The following NAP1L1 variants were observed in gnomAD, a reference collection of about 807,000 sequenced individuals.
The protein encoded by NAP1L1 is nucleosome assembly protein 1 like 1, also known as nucleosome assembly protein 1-like 1.
NAP1L1 carries 9 observed loss-of-function variants against 58.9 expected under a neutral mutation model. The observed-to-expected ratio is 0.15, with a 90% confidence interval of 0.09 to 0.27. The LOEUF is 0.27. Among genes scored for constraint, NAP1L1 ranks in the 10% least tolerant of loss-of-function variants. The pLI, the probability that NAP1L1 is intolerant of heterozygous loss-of-function variation, is 1.00. For missense variants in NAP1L1, 302 were observed against 458.8 expected (o/e 0.66, Z 3.12); for synonymous variants, 130 against 138.3 (o/e 0.94, Z 0.42).
rs2136934233 is a variant in NAP1L1, at chr12:76,042,038, CTTTAGG to C, written c.*6385_*6390del. ...AGATGAGATTTTCAAACCTAGCTCA[CTTTAGG>C]TTAAGGTCAATTTTTTTTTTGTTTT... On this transcript the variant is annotated 3_prime_UTR_variant, in exon 15 of 15. Transcript: ENST00000618691. The C allele has an allele frequency of 6.6e-6, 1 of 152,010 alleles. No individual in the cohort carries two copies. Among genetic ancestry groups the C allele is most frequent in the East Asian group, 1.9e-4 (1 of 5,176 alleles). The allele number at this position is 152,010 out of a possible 1,614,324, so 9.4% of individuals were successfully genotyped here. A position where few individuals can be genotyped will look rare whatever the true frequency, so the allele number is the denominator to read the frequency against.
chr12:76,057,618 C>T (rs1169731983), intron 6 of NAP1L1: 2 of 1,258,554 alleles, frequency 1.6e-6, no homozygotes, highest in Non-Finnish European at 1.1e-6. Flanking sequence ...ATGCTGATTA[C>T]CTACTTTGAG....
At chr12:76,074,012 G>A (rs1370236981) in intron 2 of NAP1L1, 191 bp downstream of exon 2, 1 of 501,498 alleles carries the variant, frequency 2.0e-6, no homozygotes, top group Non-Finnish European at 3.6e-6. Context: ...TCGAATATAT[G>A]ATCATAAATA....
At chr12:76,070,689 C>T (rs747956723) in intron 2 of NAP1L1, among the ~76,000 whole-genome samples, 6 of 152,120 alleles carry the variant, frequency 3.9e-5, no homozygotes, top group Admixed American at 3.3e-4. Context: ...TGAGTACAGT[C>T]ATCCCTCAGA....
intron 6 of NAP1L1, among the ~76,000 whole-genome samples, chr12:76,058,423 G>T (rs1949239251): frequency 7.0e-6 from 1 of 143,486 alleles, no homozygotes; most frequent in South Asian, 2.2e-4. Flanking sequence ...GTCTCACACT[G>T]TCGCCTGGGC....
rs1470803622 is a variant in NAP1L1, at chr12:76,041,718, G to A, written c.*6711C>T. ...GCAACATAGTGAGAATCATCTCAAA[G>A]ATAATAAAAATAAAACTTTGTTGAC... On this transcript the variant is annotated 3_prime_UTR_variant, in exon 15 of 15. Coordinates refer to ENST00000618691, the MANE Select transcript of NAP1L1 (RefSeq NM_004537.7). 2 of 152,124 alleles carry A rather than the reference G, an allele frequency of 1.3e-5. No individual in the cohort carries two copies. Among genetic ancestry groups the A allele is most frequent in the Non-Finnish European group, 2.9e-5 (2 of 68,012 alleles). 9.4% of individuals were successfully genotyped at this position (152,124 alleles called of 1,614,324 possible).
chr12:76,069,257 T>C (rs989634601), intron 2 of NAP1L1, among the ~76,000 whole-genome samples: 1 of 152,222 alleles, frequency 6.6e-6, no homozygotes, highest in African/African-American at 2.4e-5. Flanking sequence ...TTTTGGGGAA[T>C]GTGATGTCAA....
chr12:76,057,266 G>A, intron 6 of NAP1L1: 1 of 294,804 alleles, frequency 3.4e-6, no homozygotes, highest in South Asian at 3.4e-5. Flanking sequence ...CTCCAGCCTG[G>A]GCAACACAGC....
chr12:76,063,923 AT>A (rs1183584180), intron 4 of NAP1L1, among the ~76,000 whole-genome samples: 2 of 148,898 alleles, frequency 1.3e-5, no homozygotes, highest in African/African-American at 4.9e-5. Context: ...GTGATGGCTT[AT>A]GCCTGTATTC....
chr12:76,082,483 G>C (rs1782801089), intron 1 of NAP1L1, among the ~76,000 whole-genome samples: 1 of 152,156 alleles, frequency 6.6e-6, no homozygotes, highest in Admixed American at 6.5e-5. Flanking sequence ...ATAAAATTTA[G>C]AAAGATATTC....
intron 2 of NAP1L1, among the ~76,000 whole-genome samples, chr12:76,073,213 C>T (rs529908421): frequency 6.6e-6 from 1 of 152,022 alleles, no homozygotes; most frequent in Non-Finnish European, 1.5e-5. Flanking sequence ...CTTATTTGTA[C>T]TTCTATGTGT....
intron 4 of NAP1L1, among the ~76,000 whole-genome samples, chr12:76,062,342 G>A (rs1032506803): frequency 7.2e-5 from 11 of 152,078 alleles, no homozygotes; most frequent in East Asian, 1.9e-4. Flanking sequence ...CTCACCCTGC[G>A]CCCTTCTCCT....
rs1432799660 is a variant in NAP1L1, at chr12:76,038,644, G to A, written c.*9785C>T. On this transcript the variant is annotated 3_prime_UTR_variant, in exon 15 of 15. Transcript: ENST00000618691. Reference sequence around the variant, plus strand: ...TCATTACAGACAAGGTAATCTAAGAGTAAAAGGGATAAAAGAATTCTGTGG... The same window carrying A: ...TCATTACAGACAAGGTAATCTAAGAATAAAAGGGATAAAAGAATTCTGTGG... 1.3e-5 allele frequency: 2 copies of A among 152,108 alleles called. No individual in the cohort carries two copies. The highest frequency in any genetic ancestry group is 4.8e-5 in the African/African-American group (2 of 41,414). 9.4% of individuals were successfully genotyped at this position (152,108 alleles called of 1,614,324 possible).
At chr12:76,066,436 G>A (rs1266212666) in intron 4 of NAP1L1, among the ~76,000 whole-genome samples, 1 of 151,764 alleles carries the variant, frequency 6.6e-6, no homozygotes. Context: ...ACTGACAAGG[G>A]AATAACATTT....
chr12:76,070,344 G>A (rs1466922198), intron 2 of NAP1L1, among the ~76,000 whole-genome samples: 1 of 152,152 alleles, frequency 6.6e-6, no homozygotes, highest in Non-Finnish European at 1.5e-5. Context: ...CTGGCCTCAG[G>A]TGATCCTCCC....
chr12:76,055,934 T>C, intron 7 of NAP1L1, 99 bp downstream of exon 7: 1 of 1,250,934 alleles, frequency 8.0e-7, no homozygotes, highest in South Asian at 1.3e-5. Context: ...AAGCAATCAT[T>C]CTAGAAAGAT....
At chr12:76,074,159 G>T (rs762052436) in intron 2 of NAP1L1, 44 bp downstream of exon 2, 9 of 1,455,326 alleles carry the variant, frequency 6.2e-6, no homozygotes, top group Non-Finnish European at 8.7e-6. Context: ...AGAGTACAAA[G>T]TGATGCCAAA....
chr12:76,075,226 T>C (rs1950127940), intron 1 of NAP1L1, among the ~76,000 whole-genome samples: 1 of 152,010 alleles, frequency 6.6e-6, no homozygotes, highest in South Asian at 2.1e-4. Flanking sequence ...CAAGAGCCTG[T>C]AATCCCAGCT....
chr12:76,077,532 A>C (rs1427673943), intron 1 of NAP1L1, among the ~76,000 whole-genome samples: 1 of 152,218 alleles, frequency 6.6e-6, no homozygotes, highest in Non-Finnish European at 1.5e-5. Context: ...GAGAAACACA[A>C]GTTTAGGTTA....
intron 1 of NAP1L1, among the ~76,000 whole-genome samples, chr12:76,074,990 C>G (rs1275836797): frequency 6.6e-6 from 1 of 152,174 alleles, no homozygotes; most frequent in African/African-American, 2.4e-5. Flanking sequence ...AGAGGATATC[C>G]TAAGTTCCTT....
Sources: gnomAD v4.1 joint callset for allele counts (sites outside exome capture counted in the v4.1 genomes callset) on GRCh38, gnomAD v4.1.1 for gene constraint, MANE v1.5 for transcripts, NCBI Gene and HGNC (gene_info 2026-07-23, HGNC 2026-07-21) for gene names.